Variants in SEMA3E observed in about 807,000 individuals in gnomAD.
SEMA3E encodes semaphorin 3E, also known as semaphorin-3E.
In SEMA3E, 49 loss-of-function variants were observed where a neutral mutation model predicts 93.6. That is an observed-to-expected ratio of 0.52 (90% confidence interval 0.42 to 0.66). The LOEUF (loss-of-function observed/expected upper bound fraction) is 0.66. Among genes scored for constraint, SEMA3E ranks in the 30% least tolerant of loss-of-function variants. SEMA3E has a pLI of 0.00. For synonymous variants in SEMA3E, 363 were observed against 330.7 expected (o/e 1.10, Z -1.06); for missense variants, 906 against 964.8 (o/e 0.94, Z 0.81).
chr7:83,531,358 T>TTTTTTTTTTTTTG (rs1791294878), intron 1 of SEMA3E, among the ~76,000 whole-genome samples: 1 of 141,842 alleles, frequency 7.1e-6, no homozygotes, highest in African/African-American at 2.6e-5. Context: ...TTTTTTTTTT[T>TTTTTTTTTTTTTG]TTTTCCGAGA....
chr7:83,456,109 C>T (rs1242882010), intron 4 of SEMA3E, among the ~76,000 whole-genome samples: 1 of 152,194 alleles, frequency 6.6e-6, no homozygotes, highest in African/African-American at 2.4e-5. Flanking sequence ...TGCTAATATT[C>T]TTGTGCTAAA....
chr7:83,628,395 T>A (rs1297100454), intron 1 of SEMA3E, among the ~76,000 whole-genome samples: 1 of 152,168 alleles, frequency 6.6e-6, no homozygotes, highest in African/African-American at 2.4e-5. Context: ...TCCAACTTGG[T>A]TGCATTCTCC....
intron 1 of SEMA3E, among the ~76,000 whole-genome samples, chr7:83,596,642 C>T (rs964331163): frequency 1.3e-5 from 2 of 151,976 alleles, no homozygotes; most frequent in African/African-American, 4.8e-5. Context: ...TTTCCAATAC[C>T]TTAGCAGATG....
chr7:83,637,370 A>C (rs530091146), intron 1 of SEMA3E, among the ~76,000 whole-genome samples: 1 of 152,296 alleles, frequency 6.6e-6, no homozygotes, highest in African/African-American at 2.4e-5. Context: ...AAAGCATTGA[A>C]GAAGCTGAAC....
chr7:83,539,936 A>T (rs1447130722), intron 1 of SEMA3E, among the ~76,000 whole-genome samples: 1 of 143,676 alleles, frequency 7.0e-6, no homozygotes, highest in African/African-American at 2.6e-5. Flanking sequence ...GTTGGAGTGT[A>T]GTGGCTCAAT....
intron 1 of SEMA3E, among the ~76,000 whole-genome samples, chr7:83,584,844 G>C (rs748421516): frequency 6.6e-6 from 1 of 151,944 alleles, no homozygotes; most frequent in Non-Finnish European, 1.5e-5. Flanking sequence ...CTCCACTCTT[G>C]TCACCTCCAA....
At chr7:83,563,077 A>G (rs1322340905) in intron 1 of SEMA3E, among the ~76,000 whole-genome samples, 1 of 152,182 alleles carries the variant, frequency 6.6e-6, no homozygotes, top group Non-Finnish European at 1.5e-5. Flanking sequence ...GTAGACAGGC[A>G]TGCTCTGTTT....
chr7:83,402,592 A>G, intron 10 of SEMA3E, 40 bp downstream of exon 10: 1 of 1,565,614 alleles, frequency 6.4e-7, no homozygotes, highest in Non-Finnish European at 8.8e-7. Flanking sequence ...CCAAAAGTAT[A>G]CTTAAAAATA....
At chr7:83,464,313 A>G (rs2115871431) in intron 4 of SEMA3E, among the ~76,000 whole-genome samples, 1 of 151,854 alleles carries the variant, frequency 6.6e-6, no homozygotes, top group East Asian at 2.0e-4. Flanking sequence ...AAGCTCCTGT[A>G]TAGACGCTCC....
chr7:83,412,678 C>T (rs1372412403), intron 5 of SEMA3E, among the ~76,000 whole-genome samples: 1 of 151,376 alleles, frequency 6.6e-6, no homozygotes, highest in Admixed American at 6.6e-5. Context: ...GGGAGAATCT[C>T]TTGAGCCAGG....
chr7:83,387,097 AG>A lies in SEMA3E; in HGVS notation c.1668-48del, dbSNP rs1429160075. ...TAGATGTTCATTTTTTCAATTTTCC[AG>A]ACTTTAAAATGCAGCCAATTGCATT... On this transcript the variant is annotated intron_variant, in intron 14 of 16. Transcript: ENST00000643230. 3.9e-6 allele frequency: 6 copies of A among 1,548,064 alleles called. No individual in the cohort carries two copies. In the African/African-American group the frequency reaches 8.2e-5, roughly 21 times the overall value.
At chr7:83,525,282 T>A (rs1026606893) in intron 1 of SEMA3E, among the ~76,000 whole-genome samples, 1 of 152,116 alleles carries the variant, frequency 6.6e-6, no homozygotes, top group African/African-American at 2.4e-5. Context: ...TTAATTTTTT[T>A]TCCCTGGAAC....
At chr7:83,632,374 C>G (rs1323829915) in intron 1 of SEMA3E, among the ~76,000 whole-genome samples, 1 of 152,104 alleles carries the variant, frequency 6.6e-6, no homozygotes, top group Non-Finnish European at 1.5e-5. Context: ...GTGCCCCACC[C>G]AAATCTCAGC....
chr7:83,635,951 ACT>A (rs1297578501), intron 1 of SEMA3E, among the ~76,000 whole-genome samples: 1 of 149,622 alleles, frequency 6.7e-6, no homozygotes, highest in East Asian at 1.9e-4. Flanking sequence ...GTAAATTATC[ACT>A]CTTTCCCAGT....
At chr7:83,562,852 C>A (rs1792060436) in intron 1 of SEMA3E, among the ~76,000 whole-genome samples, 2 of 152,074 alleles carry the variant, frequency 1.3e-5, no homozygotes, top group Admixed American at 6.6e-5. Flanking sequence ...ACTGAAAAAT[C>A]TCATCAGAAT....
chr7:83,521,584 A>T (rs1219393650), intron 1 of SEMA3E, among the ~76,000 whole-genome samples: 1 of 152,154 alleles, frequency 6.6e-6, no homozygotes, highest in Non-Finnish European at 1.5e-5. Flanking sequence ...GGGTGGCTAA[A>T]ACAACAGAAA....
chr7:83,576,831 T>TG (rs1183021143), intron 1 of SEMA3E, among the ~76,000 whole-genome samples: 1 of 152,126 alleles, frequency 6.6e-6, no homozygotes, highest in Non-Finnish European at 1.5e-5. Context: ...TTCGCCATGT[T>TG]GGGCAGGCTG....
intron 1 of SEMA3E, among the ~76,000 whole-genome samples, chr7:83,626,555 C>T (rs943434066): frequency 6.6e-5 from 10 of 151,948 alleles, no homozygotes; most frequent in African/African-American, 2.2e-4. Flanking sequence ...CAGTGATATC[C>T]CCTTTATCGT....
At chr7:83,531,360 TTTC>T (rs1190384399) in intron 1 of SEMA3E, among the ~76,000 whole-genome samples, 12 of 144,774 alleles carry the variant, frequency 8.3e-5, no homozygotes, top group Admixed American at 2.1e-4. Flanking sequence ...TTTTTTTTTT[TTTC>T]CGAGATGGAG....
Sources: gnomAD v4.1 joint callset for allele counts (sites outside exome capture counted in the v4.1 genomes callset) on GRCh38, gnomAD v4.1.1 for gene constraint, MANE v1.5 for transcripts, NCBI Gene and HGNC (gene_info 2026-07-23, HGNC 2026-07-21) for gene names.